PEX5L: variants seen among roughly 807,000 people sequenced by gnomAD.
The protein encoded by PEX5L is PEX5-related protein.
Under a neutral mutation model 84.0 loss-of-function variants are expected in PEX5L, and 30 were observed. The ratio of observed to expected loss-of-function variants is 0.36; its 90% confidence interval spans 0.27 to 0.48. PEX5L has a LOEUF of 0.48. Ranked by LOEUF, PEX5L falls within the 20% of genes least tolerant of loss-of-function variation. The pLI is 0.99. For synonymous variants in PEX5L, 270 were observed against 283.1 expected, an observed-to-expected ratio of 0.95 and a Z score of 0.46; for missense variants, 533 against 754.6, an observed-to-expected ratio of 0.71 and a Z score of 3.44.
At chr3:179,980,897 A>C (rs548010153) in intron 1 of PEX5L, among the ~76,000 whole-genome samples, 1 of 152,074 alleles carries the variant, frequency 6.6e-6, no homozygotes, top group African/African-American at 2.4e-5. Flanking sequence ...AGTGGCGAGC[A>C]CCTGTAATCC....
intron 2 of PEX5L, among the ~76,000 whole-genome samples, chr3:179,953,744 T>TGTTA (rs1313075904): frequency 6.6e-6 from 1 of 152,136 alleles, no homozygotes; most frequent in East Asian, 1.9e-4. Context: ...GGAGTAGTGA[T>TGTTA]GTTAGATAAG....
intron 2 of PEX5L, among the ~76,000 whole-genome samples, chr3:179,964,982 T>C (rs754206797): frequency 1.3e-5 from 2 of 152,254 alleles, no homozygotes; most frequent in Non-Finnish European, 2.9e-5. Context: ...CAAACAGTTA[T>C]GACATGGCCA....
chr3:179,918,289 A>G (rs1767981043), intron 2 of PEX5L, among the ~76,000 whole-genome samples: 1 of 152,144 alleles, frequency 6.6e-6, no homozygotes, highest in African/African-American at 2.4e-5. Flanking sequence ...CTTCTCCTTG[A>G]GCAAAAGCAT....
intron 10 of PEX5L, 55 bp from the exon 11 acceptor site, chr3:179,811,926 C>T: frequency 7.0e-7 from 1 of 1,424,138 alleles, no homozygotes; most frequent in Middle Eastern, 1.8e-4. Flanking sequence ...TACTCATGTG[C>T]TTCAGTTGGT....
At chr3:179,802,189 C>G (rs1360111608) in intron 14 of PEX5L, among the ~76,000 whole-genome samples, 157 bp from the exon 15 acceptor site, 1 of 152,124 alleles carries the variant, frequency 6.6e-6, no homozygotes, top group African/African-American at 2.4e-5. Context: ...TTCTAATTCT[C>G]TTATATTCTT....
intron 7 of PEX5L, among the ~76,000 whole-genome samples, chr3:179,872,202 C>T (rs1750646389): frequency 6.6e-6 from 1 of 152,090 alleles, no homozygotes; most frequent in African/African-American, 2.4e-5. Context: ...CTTTTAACAT[C>T]TTTTTGTCTT....
At chr3:180,032,983 G>T (rs1420131181) in intron 1 of PEX5L, among the ~76,000 whole-genome samples, 1 of 152,112 alleles carries the variant, frequency 6.6e-6, no homozygotes, top group Non-Finnish European at 1.5e-5. Flanking sequence ...ACTGTTTAGG[G>T]TATTGAAAAC....
At chr3:179,853,046 A>T (rs1742523278) in intron 8 of PEX5L, among the ~76,000 whole-genome samples, 1 of 152,190 alleles carries the variant, frequency 6.6e-6, no homozygotes, top group Non-Finnish European at 1.5e-5. Context: ...TGGGAACATA[A>T]AGAAGGATGA....
intron 1 of PEX5L, among the ~76,000 whole-genome samples, chr3:179,988,440 A>T (rs969278338): frequency 3.3e-5 from 5 of 150,966 alleles, no homozygotes; most frequent in Admixed American, 1.3e-4. Flanking sequence ...AAGAAAGAAG[A>T]GGTCCATTGT....
At chr3:179,867,025 C>CAAAAAAAAAAAAA (rs61404630) in intron 7 of PEX5L, among the ~76,000 whole-genome samples, 7 of 89,296 alleles carry the variant, frequency 7.8e-5, no homozygotes, top group Admixed American at 1.2e-4. Context: ...GACTCTGTCT[C>CAAAAAAAAAAAAA]AAAAAAAAAA....
At chr3:180,010,246 C>CTTTTTTTTTT (rs1178375452) in intron 1 of PEX5L, among the ~76,000 whole-genome samples, 11 of 105,154 alleles carry the variant, frequency 1.0e-4, no homozygotes, top group African/African-American at 2.6e-4. Context: ...CACCCGGCCT[C>CTTTTTTTTTT]TTTTTTTTTT....
intron 2 of PEX5L, among the ~76,000 whole-genome samples, chr3:179,922,103 T>C (rs1448690948): frequency 2.0e-5 from 3 of 152,140 alleles, no homozygotes; most frequent in African/African-American, 7.2e-5. Flanking sequence ...GACCGACTTG[T>C]AACTGCTGGG....
chr3:179,848,323 G>A (rs2108417762), intron 8 of PEX5L, among the ~76,000 whole-genome samples: 1 of 152,108 alleles, frequency 6.6e-6, no homozygotes, highest in Middle Eastern at 3.4e-3. Context: ...GGCTGAGGTG[G>A]GCAGATCACT....
intron 2 of PEX5L, among the ~76,000 whole-genome samples, chr3:179,928,329 C>T (rs954372544): frequency 6.6e-5 from 10 of 152,282 alleles, no homozygotes; most frequent in African/African-American, 2.4e-4. Flanking sequence ...CCATTCTCAA[C>T]ATTTTCAGCC....
chr3:179,915,771 G>C (rs1413244225), intron 2 of PEX5L, among the ~76,000 whole-genome samples: 1 of 152,126 alleles, frequency 6.6e-6, no homozygotes, highest in Non-Finnish European at 1.5e-5. Context: ...TCTTTATTTG[G>C]TGTGTGACAG....
intron 1 of PEX5L, among the ~76,000 whole-genome samples, chr3:179,975,550 A>G (rs1785672512): frequency 2.0e-5 from 3 of 152,226 alleles, no homozygotes; most frequent in African/African-American, 7.2e-5. Flanking sequence ...AAAGGTTTGC[A>G]TGTAAATAAT....
chr3:179,986,667 G>C (rs1022579705), intron 1 of PEX5L, among the ~76,000 whole-genome samples: 1 of 152,134 alleles, frequency 6.6e-6, no homozygotes, highest in African/African-American at 2.4e-5. Context: ...CTCCCAAAGT[G>C]CTGGGATTAC....
chr3:179,946,476 A>G (rs1195964712), intron 2 of PEX5L, among the ~76,000 whole-genome samples: 31 of 152,240 alleles, frequency 2.0e-4, no homozygotes. Context: ...GAAGAAAGAA[A>G]AAACATATGC....
intron 8 of PEX5L, among the ~76,000 whole-genome samples, chr3:179,823,442 T>A (rs73885952): frequency 0.011 from 1,629 of 152,272 alleles, 33 homozygotes; most frequent in African/African-American, 0.038. Context: ...CAATAATGAT[T>A]TGGGGGAGAA....
Sources: gnomAD v4.1 joint callset for allele counts (sites outside exome capture counted in the v4.1 genomes callset) on GRCh38, gnomAD v4.1.1 for gene constraint, MANE v1.5 for transcripts, NCBI Gene and HGNC (gene_info 2026-07-23, HGNC 2026-07-21) for gene names.